MDGA2: variants seen among roughly 807,000 people sequenced by gnomAD.
MDGA2 encodes MAM domain-containing glycosylphosphatidylinositol anchor protein 2.
In MDGA2, 40 loss-of-function variants were observed where a neutral mutation model predicts 117.8. The ratio of observed to expected loss-of-function variants is 0.34; its 90% CI spans 0.26 to 0.44. The LOEUF (loss-of-function observed/expected upper bound fraction) is 0.44. MDGA2 is among the 20% of genes least tolerant of loss of function. The probability of loss-of-function intolerance (pLI) is 1.00; values close to 1 mark genes in which losing one functional copy is unlikely to be tolerated. For missense variants in MDGA2, 1,123 were observed against 1,250.6 expected, an observed-to-expected ratio of 0.90 and a Z score of 1.54; for synonymous variants, 452 against 439.0, an observed-to-expected ratio of 1.03 and a Z score of -0.37.
At chr14:46,881,422 G>T (rs1882454654) in intron 11 of MDGA2, among the ~76,000 whole-genome samples, 5 of 152,124 alleles carry the variant, frequency 3.3e-5, no homozygotes, top group Admixed American at 6.5e-5. Context: ...GTGTGATACT[G>T]TAATGGTGGA....
intron 3 of MDGA2, among the ~76,000 whole-genome samples, chr14:47,155,870 T>G (rs1883349161): frequency 1.3e-5 from 2 of 148,566 alleles, no homozygotes; most frequent in Non-Finnish European, 1.5e-5. Context: ...ACAATTCTTT[T>G]CTTTTCTTCT....
intron 1 of MDGA2, among the ~76,000 whole-genome samples, chr14:47,474,463 C>G (rs1285886611): frequency 6.6e-6 from 1 of 151,616 alleles, no homozygotes; most frequent in Non-Finnish European, 1.5e-5. Context: ...ACATTCTTCC[C>G]AGAATTAGAA....
At chr14:47,361,814 AC>A (rs1891132643) in intron 1 of MDGA2, among the ~76,000 whole-genome samples, 2 of 152,116 alleles carry the variant, frequency 1.3e-5, no homozygotes, top group Admixed American at 1.3e-4. Context: ...GAAAGTTTTC[AC>A]CAGAATATAG....
At chr14:47,268,844 A>G (rs193091385) in intron 2 of MDGA2, among the ~76,000 whole-genome samples, 4 of 152,370 alleles carry the variant, frequency 2.6e-5, no homozygotes, top group African/African-American at 9.6e-5. Flanking sequence ...GGCAATGTTA[A>G]TGGAAATCAG....
intron 1 of MDGA2, among the ~76,000 whole-genome samples, chr14:47,477,285 A>G (rs1284906366): frequency 6.6e-6 from 1 of 152,068 alleles, no homozygotes; most frequent in Non-Finnish European, 1.5e-5. Context: ...ATTTTTTTTC[A>G]GTTTTTAGTC....
chr14:47,510,242 G>A (rs945403153), intron 1 of MDGA2, among the ~76,000 whole-genome samples: 4 of 152,078 alleles, frequency 2.6e-5, no homozygotes, highest in African/African-American at 7.2e-5. Flanking sequence ...ACCTAGAAGA[G>A]AGCCCTCACC....
At chr14:47,020,308 A>G (rs541883854) in intron 8 of MDGA2, among the ~76,000 whole-genome samples, 3 of 152,346 alleles carry the variant, frequency 2.0e-5, no homozygotes, top group Admixed American at 6.5e-5. Flanking sequence ...AGTAAATACT[A>G]GAATACATTT....
At chr14:46,960,957 C>T (rs763066085) in intron 8 of MDGA2, among the ~76,000 whole-genome samples, 25,022 of 149,698 alleles carry the variant, frequency 0.17, 2,421 homozygotes, top group African/African-American at 0.26. Context: ...TATACACACA[C>T]ACACACACAC....
chr14:47,419,320 T>G (rs1892532403), intron 1 of MDGA2, among the ~76,000 whole-genome samples: 1 of 152,154 alleles, frequency 6.6e-6, no homozygotes, highest in South Asian at 2.1e-4. Context: ...AGCTTTTTTT[T>G]TTGTTCTATC....
chr14:46,982,247 T>C lies in MDGA2; in HGVS notation c.1820-24604A>G, dbSNP rs1886700172. Among the ~76,000 whole-genome samples, 4 of 152,266 alleles carry C rather than the reference T, an allele frequency of 2.6e-5. No homozygotes were observed. In the South Asian group the frequency reaches 8.3e-4, roughly 32 times the overall value. ...AGTATGGTAACCGTATAATTTATCT[T>C]CCAAACTGTGTAAAGGAGGTCCATA... is the stretch of plus-strand genomic sequence containing the variant. On this transcript the variant is annotated intron_variant, in intron 8 of 16. Coordinates refer to ENST00000399232, the MANE Select transcript of MDGA2 (RefSeq NM_001113498.3).
At chr14:46,912,105 G>C (rs1883728457) in intron 10 of MDGA2, among the ~76,000 whole-genome samples, 1 of 152,144 alleles carries the variant, frequency 6.6e-6, no homozygotes, top group Non-Finnish European at 1.5e-5. Context: ...TCTCCATACA[G>C]ATAGTGGTCC....
intron 1 of MDGA2, among the ~76,000 whole-genome samples, chr14:47,643,090 C>T (rs1461089795): frequency 6.6e-6 from 1 of 152,002 alleles, no homozygotes; most frequent in African/African-American, 2.4e-5. Flanking sequence ...TGTTGTTATT[C>T]TGGATAAATC....
At position 47,537,573 on chromosome 14, in the gene MDGA2, T is replaced by TAA. The variant is rs1566504353; in HGVS notation, c.280+136943_280+136944insTT. On this transcript the variant is annotated intron_variant, in intron 1 of 16. Coordinates refer to ENST00000399232, the MANE Select transcript of MDGA2 (RefSeq NM_001113498.3). Reference sequence around the variant, plus strand: ...ATTATCCACTGTTACCTTCTCTCTGTTAAAAAAAAAAAAAAAAAAAAAAAA... The same window carrying TAA: ...ATTATCCACTGTTACCTTCTCTCTGTAATAAAAAAAAAAAAAAAAAAAAAAAA... 7.0e-5 allele frequency among the ~76,000 whole-genome samples: 4 copies of TAA among 57,106 alleles called. 1 individual carries two copies. Among genetic ancestry groups the TAA allele is most frequent in the African/African-American group, 2.3e-4 (4 of 17,190 alleles). 37.5% of individuals were successfully genotyped at this position (57,106 alleles called of 152,430 possible).
intron 1 of MDGA2, among the ~76,000 whole-genome samples, chr14:47,456,114 G>C (rs959453777): frequency 3.3e-5 from 5 of 152,088 alleles, no homozygotes; most frequent in Non-Finnish European, 7.4e-5. Flanking sequence ...TTTGTAACAA[G>C]CATTGTAAGT....
rs67255552 is a variant in MDGA2 at position 47,370,468 on chromosome 14, G to GTTTTTTTTTTTTTTTTTT, written c.281-68936_281-68919dup. Among the ~76,000 whole-genome samples the GTTTTTTTTTTTTTTTTTT allele has an allele frequency of 3.9e-4, 8 of 20,684 alleles. 2 individuals are homozygous for GTTTTTTTTTTTTTTTTTT. The highest frequency in any genetic ancestry group is 5.4e-4 in the African/African-American group (4 of 7,432). 13.6% of individuals were successfully genotyped at this position (20,684 alleles called of 152,430 possible). On this transcript the variant is annotated intron_variant, in intron 1 of 16. Coordinates refer to ENST00000399232, the MANE Select transcript of MDGA2 (RefSeq NM_001113498.3). ...TTACTATTTTCTAGGTCTACTTACTGTTTTTTTTTTTTTTTTTTTTTTTTT... is the reference window on the plus strand; with the variant it reads ...TTACTATTTTCTAGGTCTACTTACTGTTTTTTTTTTTTTTTTTTTTTTTTTTTTTTTTTTTTTTTTTTT...
intron 1 of MDGA2, among the ~76,000 whole-genome samples, chr14:47,382,134 G>A (rs546376754): frequency 1.2e-3 from 179 of 152,254 alleles, no homozygotes; most frequent in African/African-American, 4.2e-3. Context: ...ATGATGCTGG[G>A]AAAACTGGCT....
chr14:47,535,559 G>A (rs887365287), intron 1 of MDGA2, among the ~76,000 whole-genome samples: 16 of 152,334 alleles, frequency 1.1e-4, no homozygotes, highest in Admixed American at 7.2e-4. Context: ...TAGAAAGGAC[G>A]TGGAAGAAGT....
At position 46,876,021 on chromosome 14, in the gene MDGA2, A is replaced by G. The variant is rs926857762; in HGVS notation, c.2437+1468T>C. Among the ~76,000 whole-genome samples, 5 of 151,678 alleles carry G rather than the reference A, an allele frequency of 3.3e-5. No homozygotes were observed. In the South Asian group the frequency reaches 1.0e-3, roughly 31 times the overall value. On this transcript the variant is annotated intron_variant, in intron 12 of 16. Transcript: ENST00000399232. The stretch of plus-strand genomic sequence containing the variant: ...TAAATATTTAAGTCTTTCATAGTAA[A>G]ATTAAGCAATAATGCAGCTTATGAA...
At chr14:46,996,759 CAT>C (rs1403520931) in intron 8 of MDGA2, 1 of 176,238 alleles carries the variant, frequency 5.7e-6, no homozygotes, top group Non-Finnish European at 1.2e-5. Flanking sequence ...CCTTCAAAAA[CAT>C]ATGGGAAAGT....
Sources: allele counts gnomAD v4.1 joint callset (sites outside exome capture counted in the v4.1 genomes callset), GRCh38; gene constraint gnomAD v4.1.1; transcripts MANE v1.5; gene names NCBI Gene and HGNC (gene_info 2026-07-23, HGNC 2026-07-21).